Variants in EFCAB6 observed in about 807,000 individuals in gnomAD.
EFCAB6 encodes the protein EF-hand calcium binding domain 6.
Under a neutral mutation model 169.8 loss-of-function variants are expected in EFCAB6, and 156 were observed. The observed-to-expected ratio is 0.92, with a 90% CI of 0.81 to 1.05. The LOEUF (loss-of-function observed/expected upper bound fraction) is 1.05. Among genes scored for constraint, EFCAB6 ranks in the 50% least tolerant of loss-of-function variants. The probability of loss-of-function intolerance (pLI) is 0.00; values close to 1 mark genes in which losing one functional copy is unlikely to be tolerated. For synonymous variants in EFCAB6, 698 were observed against 676.4 expected (o/e 1.03, Z -0.50); for missense variants, 1,800 against 1,829.1 (o/e 0.98, Z 0.29).
chr22:43,547,233 T>C (rs1053569292), intron 27 of EFCAB6, among the ~76,000 whole-genome samples: 1 of 151,912 alleles, frequency 6.6e-6, no homozygotes, highest in African/African-American at 2.4e-5. Context: ...GTAAGGGAAA[T>C]CAGTAGGGCC....
chr22:43,534,919 T>C (rs760456538), intron 29 of EFCAB6, 47 bp from the exon 30 acceptor site: 2 of 1,557,706 alleles, frequency 1.3e-6, no homozygotes, highest in Admixed American at 3.6e-5. Flanking sequence ...CATTCATTCA[T>C]TCATTCTTCA....
chr22:43,738,290 A>G (rs894426831), intron 6 of EFCAB6, among the ~76,000 whole-genome samples: 1 of 151,248 alleles, frequency 6.6e-6, no homozygotes, highest in Non-Finnish European at 1.5e-5. Flanking sequence ...ACACACCTGC[A>G]TATACTCACA....
chr22:43,656,616 T>C (rs973170129), intron 17 of EFCAB6, among the ~76,000 whole-genome samples: 7 of 152,230 alleles, frequency 4.6e-5, no homozygotes, highest in Non-Finnish European at 1.0e-4. Context: ...TGCATTACAA[T>C]GGCCTACACT....
At chr22:43,704,116 T>C (rs2058865134) in intron 10 of EFCAB6, among the ~76,000 whole-genome samples, 1 of 149,190 alleles carries the variant, frequency 6.7e-6, no homozygotes, top group Non-Finnish European at 1.5e-5. Context: ...ATCCTGAGAG[T>C]AGCAAGAGAT....
chr22:43,736,128 G>T, intron 6 of EFCAB6, 135 bp from the exon 7 acceptor site: 3 of 812,556 alleles, frequency 3.7e-6, no homozygotes, highest in Non-Finnish European at 5.2e-6. Context: ...GGTAGGCATG[G>T]CAAAAATGAC....
At chr22:43,549,839 T>C (rs2048283414) in intron 27 of EFCAB6, among the ~76,000 whole-genome samples, 1 of 152,218 alleles carries the variant, frequency 6.6e-6, no homozygotes, top group African/African-American at 2.4e-5. Flanking sequence ...ATACCAGGAA[T>C]TCAAGTTTAG....
chr22:43,797,499 G>A (rs567090609), intron 2 of EFCAB6: 1 of 152,404 alleles, frequency 6.6e-6, no homozygotes, highest in African/African-American at 2.4e-5. Context: ...GGAAACCTTA[G>A]GCAAATCACG....
chr22:43,718,660 A>C (rs374152995), intron 8 of EFCAB6, among the ~76,000 whole-genome samples: 113 of 152,328 alleles, frequency 7.4e-4, no homozygotes, highest in South Asian at 3.3e-3. Flanking sequence ...GCACGCCTAT[A>C]GTCCCAGCTC....
In EFCAB6 at chr22:43,530,927, G is replaced by C. The variant is rs1569107461; in HGVS notation, c.4271C>G (p.Ala1424Gly). ...AGAETPSFYS[A>G]LLRIQPKIVH... ...AATTTTGGGCTGAATACGCAGCAGA[G>C]CAGAGTAAAAAGATGGCGTCTCCGC... is the stretch of plus-strand genomic sequence containing the variant. Residue 1424 changes from alanine (A) to glycine (G), a missense_variant, in exon 31 of 32, where the codon GCT (alanine) becomes GGT (glycine). By Grantham distance (60) the Ala-to-Gly change is moderately conservative. Coordinates refer to ENST00000262726, the MANE Select transcript of EFCAB6 (RefSeq NM_022785.4). 1 of 1,614,258 alleles carries C rather than the reference G, an allele frequency of 6.2e-7. No homozygotes were observed. The highest frequency in any genetic ancestry group is 2.2e-5 in the East Asian group (1 of 44,888).
intron 10 of EFCAB6, among the ~76,000 whole-genome samples, chr22:43,704,590 ATAAGAT>A (rs1326188402): frequency 1.3e-5 from 2 of 152,222 alleles, no homozygotes; most frequent in Non-Finnish European, 2.9e-5. Context: ...CAAGAAATAT[ATAAGAT>A]TATGTAAATT....
chr22:43,679,225 T>C (rs951498364), intron 12 of EFCAB6, among the ~76,000 whole-genome samples: 43 of 152,214 alleles, frequency 2.8e-4, no homozygotes, highest in African/African-American at 1.0e-3. Flanking sequence ...TTTCTGGATA[T>C]TTCATGTAAA....
At position 43,635,204 on chromosome 22, in the gene EFCAB6, T is replaced by G; in HGVS notation, c.1996A>C (p.Thr666Pro). ...VHDFKKVLED[T>P]GMPMDDDQYA... Reference sequence around the variant, plus strand: ...TGATCATCGTCCATGGGCATCCCAGTGTCTTCCAGTACCTGACGAGGGAGA... The same window carrying G: ...TGATCATCGTCCATGGGCATCCCAGGGTCTTCCAGTACCTGACGAGGGAGA... The change falls in exon 18 of 32, where the codon ACT becomes CCT. Residue 666 changes from threonine (T) to proline (P), a missense_variant. Physicochemically the swap from Thr to Pro is conservative, Grantham distance 38 (BLOSUM62 -1). Transcript: ENST00000262726. 6.2e-7 allele frequency: 1 copy of G among 1,614,024 alleles called. No homozygotes were observed. Among genetic ancestry groups the G allele is most frequent in the Non-Finnish European group, 8.5e-7 (1 of 1,179,916 alleles).
At chr22:43,608,812 G>A (rs544557114) in intron 21 of EFCAB6, among the ~76,000 whole-genome samples, 1 of 152,166 alleles carries the variant, frequency 6.6e-6, no homozygotes, top group Non-Finnish European at 1.5e-5. Flanking sequence ...GGGTCGGAAG[G>A]GGGTGGTTTC....
At chr22:43,672,568 T>C (rs376204605) in intron 13 of EFCAB6, among the ~76,000 whole-genome samples, 2 of 152,196 alleles carry the variant, frequency 1.3e-5, no homozygotes, top group African/African-American at 4.8e-5. Flanking sequence ...CCATTATCCT[T>C]AGCAAGCTAA....
At chr22:43,681,632 T>C (rs562066547) in intron 12 of EFCAB6, among the ~76,000 whole-genome samples, 2 of 152,232 alleles carry the variant, frequency 1.3e-5, no homozygotes, top group Non-Finnish European at 2.9e-5. Context: ...TTAGAAATAA[T>C]ATTTTAAAAA....
At chr22:43,793,622 G>A (rs1187254552) in intron 2 of EFCAB6, among the ~76,000 whole-genome samples, 2 of 152,142 alleles carry the variant, frequency 1.3e-5, no homozygotes, top group Admixed American at 1.3e-4. Context: ...AGGCATCCCC[G>A]CAGCATCTCC....
intron 6 of EFCAB6, among the ~76,000 whole-genome samples, chr22:43,736,830 T>C (rs781697619): frequency 6.6e-6 from 1 of 152,154 alleles, no homozygotes; most frequent in Non-Finnish European, 1.5e-5. Flanking sequence ...ACTCCACACC[T>C]TGTTATTACG....
chr22:43,608,498 C>G lies in EFCAB6; in HGVS notation c.2665G>C (p.Glu889Gln), dbSNP rs180897818. The G allele has an allele frequency of 5.9e-5, 95 of 1,614,176 alleles. No individual in the cohort carries two copies. The highest frequency in any genetic ancestry group is 7.6e-5 in the Non-Finnish European group (90 of 1,180,012). The change falls in exon 22 of 32, where the codon GAA becomes CAA. Residue 889 changes from glutamate to glutamine, a missense_variant. Transcript: ENST00000262726. Reference sequence around the variant, plus strand: ...GCCACTTACCTTGCCCAAAGCTTTTCAAACTCTCTTGGTGTGAGGGGAATA... The same window carrying G: ...GCCACTTACCTTGCCCAAAGCTTTTGAAACTCTCTTGGTGTGAGGGGAATA... ...FDIPLTPREF[E>Q]KLWARYDTEG...
intron 13 of EFCAB6, among the ~76,000 whole-genome samples, chr22:43,677,490 A>G (rs534595490): frequency 6.6e-6 from 1 of 152,190 alleles, no homozygotes; most frequent in Non-Finnish European, 1.5e-5. Context: ...TACTAAAAAC[A>G]CAAAAATTAC....
Sources: gnomAD v4.1 joint callset for allele counts (sites outside exome capture counted in the v4.1 genomes callset) on GRCh38, gnomAD v4.1.1 for gene constraint, MANE v1.5 for transcripts, NCBI Gene and HGNC (gene_info 2026-07-23, HGNC 2026-07-21) for gene names.